Variants in SCHIP1 observed in about 807,000 individuals in gnomAD.
The protein encoded by SCHIP1 is schwannomin-interacting protein 1.
In SCHIP1, 8 loss-of-function variants were observed where a neutral mutation model predicts 29.7. That is an observed-to-expected ratio of 0.27 (90% CI 0.16 to 0.49). The LOEUF is 0.49. Ranked by LOEUF, SCHIP1 falls within the 20% of genes least tolerant of loss-of-function variation. The pLI, the probability that SCHIP1 is intolerant of heterozygous loss-of-function variation, is 0.99. For missense variants in SCHIP1, 193 were observed against 294.6 expected (o/e 0.66, Z 2.52); for synonymous variants, 76 against 94.9 (o/e 0.80, Z 1.16).
At chr3:159,677,496 C>T in the SCHIP1 span, among the ~76,000 whole-genome samples, 1 of 152,192 alleles carries the variant, frequency 6.6e-6, no homozygotes, top group East Asian at 1.9e-4. Context: ...TGGTGTGGAC[C>T]CTGAAAGTCT....
rs145209823 is a variant in SCHIP1, at chr3:159,856,977, G to C, written c.31-9186G>C. Among the ~76,000 whole-genome samples the C allele has an allele frequency of 9.3e-4, 142 of 152,314 alleles. 2 individuals carry two copies. The highest frequency in any genetic ancestry group is 3.3e-3 in the African/African-American group (136 of 41,556). On this transcript the variant is annotated intron_variant, in intron 1 of 6. Coordinates refer to ENST00000445224, the Ensembl canonical transcript of SCHIP1. ...CATTAACCCTCACGTCTTCCTGCCTGTGAGGGCTGAATACGCTTGAAGAAC... is the reference window on the plus strand; with the variant it reads ...CATTAACCCTCACGTCTTCCTGCCTCTGAGGGCTGAATACGCTTGAAGAAC...
intron 1 of SCHIP1, among the ~76,000 whole-genome samples, chr3:159,859,391 C>T (rs1713773146): frequency 6.6e-6 from 1 of 152,108 alleles, no homozygotes; most frequent in Non-Finnish European, 1.5e-5. Flanking sequence ...TGTTTAAGAG[C>T]TTCAGACTCC....
the SCHIP1 span, among the ~76,000 whole-genome samples, chr3:159,554,826 G>A: frequency 8.6e-4 from 131 of 151,766 alleles, no homozygotes; most frequent in Non-Finnish European, 1.3e-3. Flanking sequence ...TTGTAGCTAG[G>A]GCATATCCAG....
At chr3:159,646,784 CA>C in the SCHIP1 span, among the ~76,000 whole-genome samples, 5 of 152,122 alleles carry the variant, frequency 3.3e-5, no homozygotes, top group Admixed American at 2.6e-4. Flanking sequence ...TCCAGGCACA[CA>C]GGCAAAAGTG....
At chr3:159,840,072 G>A (rs1744077123) in exon 1 of SCHIP1, 2 of 1,516,478 alleles carry the variant, frequency 1.3e-6, no homozygotes, top group South Asian at 2.5e-5. Context: ...TCTGCGGGGA[G>A]CCCCTGCCTT....
chr3:159,492,505 T>A, the SCHIP1 span, among the ~76,000 whole-genome samples: 4 of 151,920 alleles, frequency 2.6e-5, no homozygotes, highest in Non-Finnish European at 4.4e-5. Context: ...GTATCAGCGA[T>A]GGAAGATGAA....
chr3:159,363,122 A>G, the SCHIP1 span, among the ~76,000 whole-genome samples: 2 of 152,210 alleles, frequency 1.3e-5, no homozygotes, highest in African/African-American at 2.4e-5. Flanking sequence ...TTGAGTATGT[A>G]TAGTTGGAGA....
chr3:159,275,120 A>G, the SCHIP1 span: 1 of 949,534 alleles, frequency 1.1e-6, no homozygotes, highest in Non-Finnish European at 1.3e-6. Flanking sequence ...AGACCTTAGT[A>G]TACATTTTTG....
At chr3:159,838,900 C>CAA (rs546361167), upstream of SCHIP1, among the ~76,000 whole-genome samples, 6 of 58,424 alleles carry the variant, frequency 1.0e-4, no homozygotes, top group South Asian at 4.7e-4. Context: ...GACTCCATCT[C>CAA]AAAAAAAAAA....
At chr3:159,618,695 T>C in the SCHIP1 span, among the ~76,000 whole-genome samples, 3 of 152,194 alleles carry the variant, frequency 2.0e-5, no homozygotes, top group African/African-American at 7.2e-5. Flanking sequence ...GCTCATTTGT[T>C]AGCACTGGAG....
chr3:159,466,414 G>A, the SCHIP1 span, among the ~76,000 whole-genome samples: 139 of 152,154 alleles, frequency 9.1e-4, 1 homozygote, highest in African/African-American at 3.2e-3. Context: ...TCTGAGCCTT[G>A]GTTTCCGAAT....
At chr3:159,858,775 C>G (rs182191278) in intron 1 of SCHIP1, among the ~76,000 whole-genome samples, 2 of 152,136 alleles carry the variant, frequency 1.3e-5, no homozygotes, top group Non-Finnish European at 2.9e-5. Context: ...TTTAGATATC[C>G]GAGGCCAGCT....
the SCHIP1 span, among the ~76,000 whole-genome samples, chr3:159,483,580 A>G: frequency 1.3e-5 from 2 of 152,184 alleles, no homozygotes; most frequent in Non-Finnish European, 2.9e-5. Flanking sequence ...CATAAACTCA[A>G]AGTTTCCAGA....
At chr3:159,725,788 A>G in the SCHIP1 span, among the ~76,000 whole-genome samples, 1 of 152,326 alleles carries the variant, frequency 6.6e-6, no homozygotes, top group South Asian at 2.1e-4. Flanking sequence ...AAAGAAACAA[A>G]TTGTAATTTC....
the SCHIP1 span, among the ~76,000 whole-genome samples, chr3:159,799,021 A>G: frequency 6.6e-6 from 1 of 152,208 alleles, no homozygotes; most frequent in Admixed American, 6.5e-5. Flanking sequence ...GGCCTCATGT[A>G]TGCAAATGAG....
the SCHIP1 span, among the ~76,000 whole-genome samples, chr3:159,330,351 T>C: frequency 1.3e-5 from 2 of 152,214 alleles, no homozygotes; most frequent in East Asian, 3.8e-4. Flanking sequence ...GTATTAAGAA[T>C]GATGGATAAT....
the SCHIP1 span, among the ~76,000 whole-genome samples, chr3:159,762,776 T>A: frequency 4.7e-4 from 72 of 152,244 alleles, no homozygotes; most frequent in African/African-American, 1.7e-3. Context: ...CCAAAGGAGA[T>A]TAGCTGCCAG....
chr3:159,387,258 C>T, the SCHIP1 span: 1 of 212,046 alleles, frequency 4.7e-6, no homozygotes, highest in Non-Finnish European at 9.8e-6. Context: ...CAAGAGTCTG[C>T]TTTTGCATGG....
At chr3:159,622,563 A>T in the SCHIP1 span, among the ~76,000 whole-genome samples, 2 of 152,160 alleles carry the variant, frequency 1.3e-5, no homozygotes, top group Non-Finnish European at 2.9e-5. Flanking sequence ...GAATGCTCAA[A>T]AATATTGGCC....
Sources: allele counts gnomAD v4.1 joint callset (sites outside exome capture counted in the v4.1 genomes callset), GRCh38; gene constraint gnomAD v4.1.1; transcripts MANE v1.5; gene names NCBI Gene and HGNC (gene_info 2026-07-23, HGNC 2026-07-21).